SYT9: variants seen among roughly 807,000 people sequenced by gnomAD.
SYT9 encodes the protein synaptotagmin 9, also known as synaptotagmin-9.
In SYT9, 22 loss-of-function variants were observed where a neutral mutation model predicts 48.4. The observed-to-expected ratio is 0.45, with a 90% CI of 0.32 to 0.65. SYT9 has a LOEUF of 0.65. Among genes scored for constraint, SYT9 ranks in the 30% least tolerant of loss-of-function variants. The probability of loss-of-function intolerance (pLI) is 0.03; values close to 1 mark genes in which losing one functional copy is unlikely to be tolerated. For synonymous variants in SYT9, 265 were observed against 245.0 expected (o/e 1.08, Z -0.76); for missense variants, 577 against 622.0 (o/e 0.93, Z 0.77).
chr11:7,458,563 G>A (rs758603635), intron 6 of SYT9, among the ~76,000 whole-genome samples: 8 of 152,172 alleles, frequency 5.3e-5, no homozygotes, highest in Non-Finnish European at 7.3e-5. Flanking sequence ...ACTTTTTACA[G>A]GGGGTTAATT....
chr11:7,442,068 AAACG>A (rs1317498736), intron 6 of SYT9, among the ~76,000 whole-genome samples: 2 of 152,120 alleles, frequency 1.3e-5, no homozygotes, highest in African/African-American at 4.8e-5. Flanking sequence ...ACAGGGCAGC[AAACG>A]AAATCTGAAT....
chr11:7,365,706 G>C (rs937287674), intron 3 of SYT9, among the ~76,000 whole-genome samples: 1 of 152,088 alleles, frequency 6.6e-6, no homozygotes, highest in African/African-American at 2.4e-5. Flanking sequence ...TCTCTTTACT[G>C]GCATTTTCAG....
intron 3 of SYT9, among the ~76,000 whole-genome samples, chr11:7,315,093 T>C (rs1050304433): frequency 1.3e-5 from 2 of 152,258 alleles, no homozygotes; most frequent in Non-Finnish European, 1.5e-5. Flanking sequence ...ATAAACAAAA[T>C]GTAGCATGGG....
At chr11:7,271,117 G>C (rs72853395) in intron 1 of SYT9, among the ~76,000 whole-genome samples, 4,812 of 152,064 alleles carry the variant, frequency 0.032, 120 homozygotes, top group Non-Finnish European at 0.046. Flanking sequence ...TCATGACAAA[G>C]CTATTTTATT....
chr11:7,418,030 C>T lies in SYT9; in HGVS notation c.1239C>T (p.Asn413=), dbSNP rs200118390. 37 of 1,614,084 alleles carry T rather than the reference C, an allele frequency of 2.3e-5. No homozygotes were observed. The highest frequency in any genetic ancestry group is 1.7e-5 in the Non-Finnish European group (20 of 1,180,038). Residue 413 remains asparagine, a synonymous_variant, in exon 5 of 7, where the codon AAC becomes AAT. Transcript: ENST00000318881. ...LKKRKTSTKR[N]TLNPVYNEAI... is the part of the protein sequence containing the mutation. ...AGAGGAAAACATCCACCAAGAGGAA[C>T]ACCTTGAATCCTGTTTACAACGAAG...
At position 7,354,705 on chromosome 11, in the gene SYT9, A is replaced by G. The variant is rs145890870; in HGVS notation, c.1044+40764A>G. Among the ~76,000 whole-genome samples the G allele has an allele frequency of 1.9e-4, 29 of 152,244 alleles. No individual in the cohort carries two copies. In the East Asian group the frequency reaches 4.6e-3, roughly 24 times the overall value. On this transcript the variant is annotated intron_variant, in intron 3 of 6. Transcript: ENST00000318881. ...CATAATGCACTGCTACTTCATTGCA[A>G]GAAGCTTCTTATGTACTGGGCCCAA...
At chr11:7,417,248 G>A (rs1294333192) in intron 4 of SYT9, among the ~76,000 whole-genome samples, 2 of 152,090 alleles carry the variant, frequency 1.3e-5, no homozygotes, top group African/African-American at 4.8e-5. Context: ...AGGAGTCAGA[G>A]CAATGCATGG....
intron 3 of SYT9, among the ~76,000 whole-genome samples, chr11:7,355,956 A>G (rs1361026102): frequency 6.6e-6 from 1 of 152,206 alleles, no homozygotes; most frequent in Non-Finnish European, 1.5e-5. Context: ...AGGGCCTTGC[A>G]CAAAGTTGGA....
intron 1 of SYT9, among the ~76,000 whole-genome samples, chr11:7,292,512 A>G (rs1446457215): frequency 2.6e-5 from 4 of 152,158 alleles, no homozygotes; most frequent in East Asian, 1.9e-4. Context: ...GCTGGTCTCC[A>G]TTTCCTGAAT....
chr11:7,255,040 C>A (rs1156624716), intron 1 of SYT9, among the ~76,000 whole-genome samples: 3 of 152,176 alleles, frequency 2.0e-5, no homozygotes, highest in Non-Finnish European at 4.4e-5. Context: ...ACAGTTGGAA[C>A]TGAAGTGCCT....
chr11:7,427,477 T>C (rs1847482702), intron 6 of SYT9: 1 of 152,202 alleles, frequency 6.6e-6, no homozygotes. Flanking sequence ...GCGCTCAATA[T>C]GTCCTTTCAT....
chr11:7,259,125 A>G (rs931878957), intron 1 of SYT9, among the ~76,000 whole-genome samples: 5 of 152,126 alleles, frequency 3.3e-5, no homozygotes, highest in African/African-American at 1.2e-4. Flanking sequence ...GGCATCCTAT[A>G]TTTTTATTTG....
intron 3 of SYT9, among the ~76,000 whole-genome samples, chr11:7,401,769 T>C (rs1846897679): frequency 6.6e-6 from 1 of 151,834 alleles, no homozygotes; most frequent in Non-Finnish European, 1.5e-5. Context: ...TATTTTCTCA[T>C]TTTCTTTTCT....
At chr11:7,311,171 G>A (rs978210292) in intron 2 of SYT9, among the ~76,000 whole-genome samples, 13 of 152,128 alleles carry the variant, frequency 8.5e-5, no homozygotes, top group African/African-American at 2.4e-4. Flanking sequence ...GTGTGGTGGC[G>A]CATGCCTGTA....
intron 1 of SYT9, among the ~76,000 whole-genome samples, chr11:7,274,741 T>G (rs1412490608): frequency 6.6e-6 from 1 of 152,150 alleles, no homozygotes; most frequent in Admixed American, 6.5e-5. Context: ...TGCATAGAAA[T>G]GGACCTCAGC....
intron 3 of SYT9, among the ~76,000 whole-genome samples, chr11:7,415,221 G>A (rs1047113226): frequency 2.0e-5 from 3 of 152,192 alleles, no homozygotes; most frequent in Admixed American, 6.5e-5. Context: ...CTCCCTGCAA[G>A]GAGGCTGTGC....
intron 6 of SYT9, among the ~76,000 whole-genome samples, chr11:7,430,494 G>A (rs532117390): frequency 6.6e-6 from 1 of 152,186 alleles, no homozygotes; most frequent in African/African-American, 2.4e-5. Flanking sequence ...GTGCTTAGAT[G>A]CTTTACATAT....
chr11:7,376,335 TC>T (rs1360670198), intron 3 of SYT9, among the ~76,000 whole-genome samples: 1 of 147,708 alleles, frequency 6.8e-6, no homozygotes, highest in East Asian at 1.9e-4. Flanking sequence ...TCTTTCTCTC[TC>T]CCTCTTTCTT....
At chr11:7,362,099 C>A (rs1027102873) in intron 3 of SYT9, among the ~76,000 whole-genome samples, 2 of 150,854 alleles carry the variant, frequency 1.3e-5, no homozygotes, top group Non-Finnish European at 3.0e-5. Flanking sequence ...CTTTTCTTCT[C>A]TTTTTTTCTT....
Sources: gnomAD v4.1 joint callset for allele counts (sites outside exome capture counted in the v4.1 genomes callset) on GRCh38, gnomAD v4.1.1 for gene constraint, MANE v1.5 for transcripts, NCBI Gene and HGNC (gene_info 2026-07-23, HGNC 2026-07-21) for gene names.